SCUBE1: variants seen among roughly 807,000 people sequenced by gnomAD.
The protein encoded by SCUBE1 is signal peptide, CUB and EGF-like domain-containing protein 1.
In SCUBE1, 59 loss-of-function variants were observed where a neutral mutation model predicts 124.4. The observed-to-expected ratio is 0.47, with a 90% confidence interval of 0.38 to 0.59. The LOEUF is 0.59. Ranked by LOEUF, SCUBE1 falls within the 20% of genes least tolerant of loss-of-function variation. SCUBE1 has a pLI of 0.00. For synonymous variants in SCUBE1, 545 were observed against 550.9 expected (o/e 0.99, Z 0.15); for missense variants, 1,150 against 1,371.2 (o/e 0.84, Z 2.55).
chr22:43,247,474 G>A (rs899799540), intron 6 of SCUBE1, among the ~76,000 whole-genome samples: 2 of 152,182 alleles, frequency 1.3e-5, no homozygotes, highest in Non-Finnish European at 2.9e-5. Context: ...ACAAATGCAC[G>A]GTCCTTACAG....
Position 43,220,433 on chromosome 22 carries a change from G to T in SCUBE1, c.1687+17C>A. On this transcript the variant is annotated intron_variant, in intron 14 of 21. Transcript: ENST00000360835. ...CCTTCAGGCCTGCAGAAGCCCCCAG[G>T]AGAACCCCTCACCTACCTGAGGCCT... The T allele has an allele frequency of 6.2e-7, 1 of 1,611,940 alleles. No individual in the cohort carries two copies. The highest frequency in any genetic ancestry group is 8.5e-7 in the Non-Finnish European group (1 of 1,178,600).
At chr22:43,256,719 C>T (rs913023795) in intron 6 of SCUBE1, among the ~76,000 whole-genome samples, 1 of 152,260 alleles carries the variant, frequency 6.6e-6, no homozygotes, top group East Asian at 1.9e-4. Context: ...GCCCCCGGGC[C>T]ACAGAGCTGG....
chr22:43,343,250 C>A lies in SCUBE1; in HGVS notation c.12G>T (p.Ala4=), dbSNP rs781489391. The A allele has an allele frequency of 3.4e-6, 4 of 1,182,574 alleles. No individual in the cohort carries two copies. In the South Asian group the frequency reaches 1.1e-4, roughly 33 times the overall value. The allele number at this position is 1,182,574 out of a possible 1,614,324, so 73.3% of individuals were successfully genotyped here. A position where few individuals can be genotyped will look rare whatever the true frequency, so the allele number is the denominator to read the frequency against. The change falls in exon 1 of 22, where the codon GCG becomes GCT. Residue 4 remains alanine (A), a synonymous_variant. Coordinates refer to ENST00000360835, the MANE Select transcript of SCUBE1 (RefSeq NM_173050.5). ...GCACGCACAAGTGCCAGCGCACGGC[C>A]GCCGCGCCCATGCTCAATGCGGGCC... The part of the protein sequence containing the change: MGA[A]AVRWHLCVLL...
intron 4 of SCUBE1, among the ~76,000 whole-genome samples, chr22:43,276,624 G>A (rs541404494): frequency 7.2e-5 from 11 of 152,334 alleles, no homozygotes; most frequent in African/African-American, 2.4e-4. Context: ...GCATCTGCCC[G>A]GTGGTTTCCG....
rs549902048 is a variant in SCUBE1, at chr22:43,228,895, C to G, written c.1084+177G>C. 2.6e-5 allele frequency among the ~76,000 whole-genome samples: 4 copies of G among 152,396 alleles called. No homozygotes were observed. In the East Asian group the frequency reaches 5.8e-4, roughly 22 times the overall value. ...CGTTCCCTGCTACCCCTTGTCTCCC[C>G]AGCCCTGCCTCACTTGTCCTTGGCT... On this transcript the variant is annotated intron_variant, in intron 9 of 21. Coordinates refer to ENST00000360835, the MANE Select transcript of SCUBE1 (RefSeq NM_173050.5).
intron 4 of SCUBE1, among the ~76,000 whole-genome samples, chr22:43,278,679 G>A (rs955753143): frequency 2.6e-5 from 4 of 152,296 alleles, no homozygotes; most frequent in African/African-American, 9.6e-5. Flanking sequence ...GCAAGTGGAT[G>A]GTGCAGGGCA....
intron 12 of SCUBE1, among the ~76,000 whole-genome samples, chr22:43,221,773 A>G (rs1384151616): frequency 1.3e-5 from 2 of 152,182 alleles, no homozygotes; most frequent in Non-Finnish European, 2.9e-5. Flanking sequence ...CATTAAATAT[A>G]TAGAAATGGG....
intron 2 of SCUBE1, among the ~76,000 whole-genome samples, chr22:43,321,406 G>C (rs1340803777): frequency 2.6e-5 from 4 of 152,250 alleles, no homozygotes; most frequent in African/African-American, 4.8e-5. Flanking sequence ...TGAACGTTCA[G>C]GGGTAGGAGT....
intron 4 of SCUBE1, among the ~76,000 whole-genome samples, chr22:43,278,385 T>C (rs1924620344): frequency 6.6e-6 from 1 of 152,204 alleles, no homozygotes; most frequent in Non-Finnish European, 1.5e-5. Flanking sequence ...TTCGGAGGCA[T>C]GGCCACACCC....
chr22:43,334,695 A>G (rs1331580263), intron 2 of SCUBE1, among the ~76,000 whole-genome samples: 1 of 152,142 alleles, frequency 6.6e-6, no homozygotes. Flanking sequence ...CATCAACATT[A>G]TCATCACCCC....
intron 15 of SCUBE1, among the ~76,000 whole-genome samples, chr22:43,214,754 A>T (rs1050710471): frequency 3.9e-5 from 6 of 152,182 alleles, no homozygotes; most frequent in Non-Finnish European, 7.3e-5. Flanking sequence ...TAGCGAGGAG[A>T]TGATGGGCTG....
intron 2 of SCUBE1, among the ~76,000 whole-genome samples, chr22:43,338,807 G>C (rs1452732069): frequency 6.6e-6 from 1 of 152,114 alleles, no homozygotes; most frequent in East Asian, 1.9e-4. Context: ...CAAAGTGCTG[G>C]GATTACAGAC....
intron 4 of SCUBE1, among the ~76,000 whole-genome samples, chr22:43,289,854 G>T (rs904934778): frequency 6.6e-6 from 1 of 152,072 alleles, no homozygotes; most frequent in South Asian, 2.1e-4. Context: ...AGCCCAGTGC[G>T]TGCCCTTTGG....
intron 4 of SCUBE1, among the ~76,000 whole-genome samples, chr22:43,272,104 C>A (rs914008827): frequency 2.0e-5 from 3 of 152,164 alleles, no homozygotes; most frequent in Non-Finnish European, 4.4e-5. Flanking sequence ...GCAGCCTGGA[C>A]GGTCCCTCAA....
intron 19 of SCUBE1, 145 bp downstream of exon 19, chr22:43,209,898 G>T: frequency 1.3e-6 from 1 of 799,926 alleles, no homozygotes. Flanking sequence ...TGCCTCCCAG[G>T]TGGACTCTGA....
rs896070024 is a variant in SCUBE1 at position 43,210,835 on chromosome 22, G to C, written c.2383+87C>G. On this transcript the variant is annotated intron_variant, in intron 18 of 21. Coordinates refer to ENST00000360835, the MANE Select transcript of SCUBE1 (RefSeq NM_173050.5). The surrounding 1 kb of genome is among the most constrained non-coding windows in gnomAD (Gnocchi z 4.5). ...GGAGTCCAGTGTCCTCGTGGAGCTC[G>C]TGTGAGATCAGGTCTCCTCCCGCCC... is the stretch of plus-strand genomic sequence containing the variant. 5 of 1,476,834 alleles carry C rather than the reference G, an allele frequency of 3.4e-6. No individual in the cohort carries two copies. Among genetic ancestry groups the C allele is most frequent in the Non-Finnish European group, 4.7e-6 (5 of 1,066,520 alleles). 91.5% of individuals were successfully genotyped at this position (1,476,834 alleles called of 1,614,324 possible). A position where few individuals can be genotyped will look rare whatever the true frequency, so the allele number is the denominator to read the frequency against.
chr22:43,324,085 G>T (rs1926645097), intron 2 of SCUBE1, among the ~76,000 whole-genome samples: 1 of 152,148 alleles, frequency 6.6e-6, no homozygotes, highest in Non-Finnish European at 1.5e-5. Flanking sequence ...CTAGTTAGGG[G>T]ATGTCTTCCC....
chr22:43,244,573 T>C (rs1923131449), intron 6 of SCUBE1, among the ~76,000 whole-genome samples: 3 of 152,176 alleles, frequency 2.0e-5, no homozygotes, highest in African/African-American at 7.2e-5. Flanking sequence ...GTGCCCCTGG[T>C]GGAGGAGGCA....
intron 4 of SCUBE1, among the ~76,000 whole-genome samples, chr22:43,268,945 G>T (rs1247034789): frequency 6.6e-6 from 1 of 152,182 alleles, no homozygotes; most frequent in African/African-American, 2.4e-5. Context: ...CTGGTAGAAC[G>T]GCAGTGGTTA....
Sources: allele counts gnomAD v4.1 joint callset (sites outside exome capture counted in the v4.1 genomes callset), GRCh38; gene constraint gnomAD v4.1.1; non-coding constraint Gnocchi (gnomAD v3.1); transcripts MANE v1.5; gene names NCBI Gene and HGNC (gene_info 2026-07-23, HGNC 2026-07-21).